METTL22: variants seen among roughly 807,000 people sequenced by gnomAD.
The protein encoded by METTL22 is methyltransferase 22, Kin17 lysine.
METTL22 carries 51 observed loss-of-function variants against 48.4 expected under a neutral mutation model. The observed-to-expected ratio is 1.05, with a 90% CI of 0.84 to 1.33. The LOEUF (loss-of-function observed/expected upper bound fraction) is 1.33, where lower values mean the gene tolerates loss of function less well. METTL22 is among the 40% of genes most tolerant of loss of function. METTL22 has a pLI of 0.00. For missense variants in METTL22, 678 were observed against 526.9 expected, an observed-to-expected ratio of 1.29 and a Z score of -2.81; for synonymous variants, 255 against 214.1, an observed-to-expected ratio of 1.19 and a Z score of -1.67.
At chr16:8,626,159 G>A (rs571323695) in intron 2 of METTL22, among the ~76,000 whole-genome samples, 5 of 152,214 alleles carry the variant, frequency 3.3e-5, no homozygotes, top group African/African-American at 1.2e-4. Context: ...ACCACACCTG[G>A]CTGGTTTTTA....
At chr16:8,624,988 G>A (rs991201097) in intron 1 of METTL22, among the ~76,000 whole-genome samples, 5 of 152,092 alleles carry the variant, frequency 3.3e-5, no homozygotes, top group African/African-American at 1.2e-4. Flanking sequence ...ACAACTAAAT[G>A]CAAAGTGCAG....
At chr16:8,625,008 G>A (rs1046515489) in intron 1 of METTL22, among the ~76,000 whole-genome samples, 1 of 150,636 alleles carries the variant, frequency 6.6e-6, no homozygotes, top group Non-Finnish European at 1.5e-5. Context: ...GATTGTGATT[G>A]GATACTGGTT....
Position 8,642,435 on chromosome 16 carries a change from C to T in METTL22, c.908-28C>T, listed in dbSNP as rs919531061. ...TTCTGTAATATTTGCGTGTTTTCCT[C>T]TAATGCTGGCCTTTTTGCTTCCCAC... is the stretch of plus-strand genomic sequence containing the variant. On this transcript the variant is annotated intron_variant, in intron 8 of 10. Coordinates refer to ENST00000381920, the MANE Select transcript of METTL22 (RefSeq NM_024109.4). 1.2e-5 allele frequency: 19 copies of T among 1,604,656 alleles called. No individual in the cohort carries two copies. The African/African-American group carries it at 2.1e-4, about 18-fold the overall frequency.
intron 1 of METTL22, among the ~76,000 whole-genome samples, chr16:8,623,276 A>C (rs1400820559): frequency 6.6e-6 from 1 of 150,794 alleles, no homozygotes; most frequent in Non-Finnish European, 1.5e-5. Flanking sequence ...GCACCACTGC[A>C]CTCTAGCCTG....
chr16:8,638,276 C>G (rs1251100514), intron 5 of METTL22, among the ~76,000 whole-genome samples: 1 of 152,192 alleles, frequency 6.6e-6, no homozygotes, highest in Admixed American at 6.5e-5. Flanking sequence ...TGTGTGACCC[C>G]TGGGGTGCAG....
At chr16:8,623,239 A>C (rs571958206) in intron 1 of METTL22, among the ~76,000 whole-genome samples, 32 of 151,484 alleles carry the variant, frequency 2.1e-4, no homozygotes, top group Non-Finnish European at 3.1e-4. Flanking sequence ...TGAGCCCAGG[A>C]GGCGGAGGTT....
At chr16:8,631,068 G>A (rs2056243609) in intron 3 of METTL22, among the ~76,000 whole-genome samples, 2 of 152,188 alleles carry the variant, frequency 1.3e-5, no homozygotes, top group Admixed American at 6.5e-5. Context: ...ATTGAAACAT[G>A]CCCAGTGAGC....
At chr16:8,645,969 C>G (rs1429746983) in intron 10 of METTL22, 139 bp from the exon 11 acceptor site, 3 of 1,262,442 alleles carry the variant, frequency 2.4e-6, no homozygotes, top group African/African-American at 7.1e-5. Context: ...AGCCGCCCGT[C>G]CGCTCCTGCC....
the METTL22 span, among the ~76,000 whole-genome samples, chr16:8,663,225 A>AAAAAAAAAAAAGT: frequency 4.9e-5 from 6 of 123,438 alleles, no homozygotes; most frequent in East Asian, 2.4e-4. Flanking sequence ...AAAAAAAAAA[A>AAAAAAAAAAAAGT]GGTAGCCAAG....
At chr16:8,655,745 G>A in the METTL22 span, among the ~76,000 whole-genome samples, 4 of 152,334 alleles carry the variant, frequency 2.6e-5, no homozygotes, top group South Asian at 2.1e-4. Context: ...TGCAGAGATC[G>A]TGTTCTCATA....
At chr16:8,636,847 C>G (rs1334938229) in intron 5 of METTL22, among the ~76,000 whole-genome samples, 1 of 152,072 alleles carries the variant, frequency 6.6e-6, no homozygotes, top group Non-Finnish European at 1.5e-5. Context: ...TGAACATTAC[C>G]AACTAATTTC....
intron 9 of METTL22, chr16:8,642,969 TCTCTTGCTG>T (rs1340634153): frequency 9.5e-6 from 2 of 210,508 alleles, no homozygotes; most frequent in Non-Finnish European, 2.0e-5. Flanking sequence ...CAGGTCTCTT[TCTCTTGCTG>T]AATCGGACAG....
intron 3 of METTL22, among the ~76,000 whole-genome samples, chr16:8,629,646 G>A (rs2141709282): frequency 6.6e-6 from 1 of 152,272 alleles, no homozygotes; most frequent in East Asian, 1.9e-4. Context: ...AAAGGGGAGT[G>A]ATGAAGTGGC....
chr16:8,665,261 G>A, the METTL22 span, among the ~76,000 whole-genome samples: 1 of 152,116 alleles, frequency 6.6e-6, no homozygotes, highest in African/African-American at 2.4e-5. Context: ...AGCCAAGACC[G>A]CACTGCAGCC....
chr16:8,638,982 T>C (rs1391646805), intron 5 of METTL22, 109 bp from the exon 6 acceptor site: 3 of 1,086,766 alleles, frequency 2.8e-6, no homozygotes, highest in Non-Finnish European at 2.8e-6. Context: ...GAAACGTTTC[T>C]CTAATTTCTG....
In METTL22 at chr16:8,646,477, C is replaced by T; in HGVS notation, c.*334C>T. On this transcript the variant is annotated 3_prime_UTR_variant, in exon 11 of 11. Coordinates refer to ENST00000381920, the MANE Select transcript of METTL22 (RefSeq NM_024109.4). ...GTGTGCTTTACTTGCGGTTGCGGCC[C>T]TGGCTGTGAGGTGGATTCTTGTACT... The T allele has an allele frequency of 1.8e-6, 1 of 565,520 alleles. No homozygotes were observed. 35.0% of individuals were successfully genotyped at this position (565,520 alleles called of 1,614,324 possible).
chr16:8,654,099 C>T (rs186363149), downstream of METTL22, among the ~76,000 whole-genome samples: 11 of 152,322 alleles, frequency 7.2e-5, no homozygotes, highest in East Asian at 3.9e-4. Context: ...CTGTCCTAAA[C>T]ATTTTAGATA....
chr16:8,626,182 G>C (rs564936525), intron 2 of METTL22, among the ~76,000 whole-genome samples: 3 of 152,010 alleles, frequency 2.0e-5, no homozygotes, highest in Non-Finnish European at 2.9e-5. Context: ...TTGTAGAGCT[G>C]GAGTCTTGCT....
At position 8,646,642 on chromosome 16, in the gene METTL22, G is replaced by A; in HGVS notation, c.*499G>A. 1 of 459,178 alleles carries A rather than the reference G, an allele frequency of 2.2e-6. No individual in the cohort carries two copies. The highest frequency in any genetic ancestry group is 4.4e-6 in the Non-Finnish European group (1 of 228,786). The allele number at this position is 459,178 out of a possible 1,614,324, so 28.4% of individuals were successfully genotyped here. A position where few individuals can be genotyped will look rare whatever the true frequency, so the allele number is the denominator to read the frequency against. On this transcript the variant is annotated 3_prime_UTR_variant, in exon 11 of 11. Transcript: ENST00000381920. ...CACTCTGGTGAGGGCCCCATGAGAA[G>A]GAAGAGGCAGGAGCTGGCGCCAGGA... is the stretch of plus-strand genomic sequence containing the variant.
Sources: allele counts gnomAD v4.1 joint callset (sites outside exome capture counted in the v4.1 genomes callset), GRCh38; gene constraint gnomAD v4.1.1; transcripts MANE v1.5; gene names NCBI Gene and HGNC (gene_info 2026-07-23, HGNC 2026-07-21).